Variants in TMEM185B observed in about 807,000 individuals in gnomAD.
TMEM185B encodes ee3_2.
TMEM185B carries 9 observed loss-of-function variants against 26.2 expected under a neutral mutation model. That is an observed-to-expected ratio of 0.34 (90% CI 0.21 to 0.60). The LOEUF (loss-of-function observed/expected upper bound fraction) is 0.60. TMEM185B is among the 20% of genes least tolerant of loss of function. The pLI is 0.80. For missense variants in TMEM185B, 392 were observed against 447.9 expected, an observed-to-expected ratio of 0.88 and a Z score of 1.13; for synonymous variants, 204 against 191.8, an observed-to-expected ratio of 1.06 and a Z score of -0.52.
Position 120,218,732 on chromosome 2 carries a change from C to G in TMEM185B, c.*3192G>C, listed in dbSNP as rs555326326. On this transcript the variant is annotated 3_prime_UTR_variant, in exon 1 of 1. Transcript: ENST00000426077. Reference sequence around the variant, plus strand: ...GGGTCTTTCTCATCTCACCTCAAATCCCCAACAGATCCCTTCTAATGGAAA... The same window carrying G: ...GGGTCTTTCTCATCTCACCTCAAATGCCCAACAGATCCCTTCTAATGGAAA... 6.6e-5 allele frequency among the ~76,000 whole-genome samples: 10 copies of G among 152,370 alleles called. No homozygotes were observed. In the South Asian group the frequency reaches 2.1e-3, roughly 32 times the overall value.
Position 120,222,182 on chromosome 2 carries a change from C to T in TMEM185B, c.795G>A (p.Lys265=), listed in dbSNP as rs1226267756. The T allele has an allele frequency of 1.9e-6, 3 of 1,548,082 alleles. No individual in the cohort carries two copies. Among genetic ancestry groups the T allele is most frequent in the Non-Finnish European group, 2.6e-6 (3 of 1,150,248 alleles). ...TGCCAAACCACCAATGATTGCCCCC[C>T]TTTCGCCTAAATGTTGTGGCCATTA... The part of the protein sequence containing the change: ...LTLMATTFRR[K]GGNHWWFGIR... The change falls in exon 1 of 1, where the codon AAG becomes AAA. Residue 265 remains lysine, a synonymous_variant. Coordinates refer to ENST00000426077, the MANE Select transcript of TMEM185B (RefSeq NM_024121.3).
Position 120,219,096 on chromosome 2 carries a change from G to A in TMEM185B, c.*2828C>T, listed in dbSNP as rs532372826. 1.1e-4 allele frequency among the ~76,000 whole-genome samples: 16 copies of A among 152,366 alleles called. No homozygotes were observed. The highest frequency in any genetic ancestry group is 2.1e-4 in the South Asian group (1 of 4,834). The stretch of plus-strand genomic sequence containing the variant: ...CCCAGAATACGGGACATGTTGTGGA[G>A]CAGACGTGATCAGACCCCCAGCCTG... On this transcript the variant is annotated 3_prime_UTR_variant, in exon 1 of 1. Transcript: ENST00000426077.
Position 120,222,640 on chromosome 2 carries a change from G to T in TMEM185B, c.337C>A (p.Leu113Met), listed in dbSNP as rs1558937247. 6 of 1,536,500 alleles carry T rather than the reference G, an allele frequency of 3.9e-6. No homozygotes were observed. Among genetic ancestry groups the T allele is most frequent in the Non-Finnish European group, 5.2e-6 (6 of 1,147,016 alleles). ...DRVERGTHFW[L>M]LVFMPLFFVS... ...AAGAAGAGAGGCATGAAGACCAGCA[G>T]CCAGAAGTGGGTGCCCCTCTCCACC... The change falls in exon 1 of 1, where the codon CTG becomes ATG. Residue 113 changes from leucine to methionine, a missense_variant. Physicochemically the swap from Leu to Met is conservative, Grantham distance 15. Coordinates refer to ENST00000426077, the MANE Select transcript of TMEM185B (RefSeq NM_024121.3).
chr2:120,222,255 A>G lies in TMEM185B; in HGVS notation c.722T>C (p.Phe241Ser), dbSNP rs1467317775. Reference protein sequence around the residue: ...LVHRLDGHNTFSYVSIFVPLW... With the variant: ...LVHRLDGHNTSSYVSIFVPLW... ...GGGGACAAATATGGAGACGTAGGAG[A>G]ATGTATTGTGGCCATCCAATCTGTG... Residue 241 changes from phenylalanine to serine, a missense_variant, in exon 1 of 1, where the codon TTC becomes TCC. This residue lies in a region of TMEM185B where 176 missense variants were observed against 201.6 expected (regional missense o/e 0.87). Coordinates refer to ENST00000426077, the MANE Select transcript of TMEM185B (RefSeq NM_024121.3). 35 of 1,536,404 alleles carry G rather than the reference A, an allele frequency of 2.3e-5. No individual in the cohort carries two copies. Among genetic ancestry groups the G allele is most frequent in the Non-Finnish European group, 3.0e-5 (34 of 1,146,996 alleles).
Position 120,222,616 on chromosome 2 carries a change from A to G in TMEM185B, c.361T>C (p.Phe121Leu). The change falls in exon 1 of 1, where the codon TTC becomes CTC. Residue 121 changes from phenylalanine (F) to leucine (L), a missense_variant. Phe to Leu is a conservative substitution (Grantham distance 22). This residue lies in a region of TMEM185B where 175 missense variants were observed against 169.1 expected (regional missense o/e 1.03). Transcript: ENST00000426077. ...FWLLVFMPLF[F>L]VSPVSVAACV... ...GCAGCCACGGACACGGGGGACACGA[A>G]GAAGAGAGGCATGAAGACCAGCAGC... The G allele has an allele frequency of 6.5e-7, 1 of 1,536,482 alleles. No individual in the cohort carries two copies. The highest frequency in any genetic ancestry group is 8.7e-7 in the Non-Finnish European group (1 of 1,147,022).
chr2:120,223,088 C>G lies in TMEM185B; in HGVS notation c.-112G>C. On this transcript the variant is annotated 5_prime_UTR_variant, in exon 1 of 1. Coordinates refer to ENST00000426077, the MANE Select transcript of TMEM185B (RefSeq NM_024121.3). ...CCGGGCCCCGCCCAAGCCGGCTCCG[C>G]GTGGACGAATGCCGGGACGACCAGG... The G allele has an allele frequency of 1.3e-6, 1 of 782,836 alleles. No individual in the cohort carries two copies. The highest frequency in any genetic ancestry group is 1.7e-6 in the Non-Finnish European group (1 of 572,004). 48.5% of individuals were successfully genotyped at this position (782,836 alleles called of 1,614,324 possible).
At position 120,221,839 on chromosome 2, in the gene TMEM185B, C is replaced by T; in HGVS notation, c.*85G>A. On this transcript the variant is annotated 3_prime_UTR_variant, in exon 1 of 1. Coordinates refer to ENST00000426077, the MANE Select transcript of TMEM185B (RefSeq NM_024121.3). ...ACGGCGTGAGACGAGTGTTTGAAGC[C>T]TGTTTCCATTTCCAGGTTTGGGATG... The T allele has an allele frequency of 8.9e-7, 1 of 1,124,016 alleles. No homozygotes were observed. Among genetic ancestry groups the T allele is most frequent in the South Asian group, 1.6e-5 (1 of 61,450 alleles). 69.6% of individuals were successfully genotyped at this position (1,124,016 alleles called of 1,614,324 possible).
In TMEM185B at chr2:120,217,815, CAG is replaced by C. The variant is rs1224053072; in HGVS notation, c.*4107_*4108del. ...CGACTTTAACCCATACATTCTAGAACAGAGAGAGCCATGACCAAACCAGAGGG... is the reference window on the plus strand; with the variant it reads ...CGACTTTAACCCATACATTCTAGAACAGAGAGCCATGACCAAACCAGAGGG... On this transcript the variant is annotated 3_prime_UTR_variant, in exon 1 of 1. Transcript: ENST00000426077. Among the ~76,000 whole-genome samples the C allele has an allele frequency of 1.5e-4, 23 of 152,340 alleles. No homozygotes were observed. The highest frequency in any genetic ancestry group is 5.5e-4 in the African/African-American group (23 of 41,578).
In TMEM185B at chr2:120,222,030, G is replaced by A. The variant is rs1220081406; in HGVS notation, c.947C>T (p.Pro316Leu). 1.9e-6 allele frequency: 3 copies of A among 1,543,780 alleles called. No homozygotes were observed. The highest frequency in any genetic ancestry group is 3.9e-5 in the Admixed American group (2 of 50,982). The change falls in exon 1 of 1, where the codon CCG (proline) becomes CTG (leucine). Residue 316 changes from proline (P) to leucine (L), a missense_variant. Coordinates refer to ENST00000426077, the MANE Select transcript of TMEM185B (RefSeq NM_024121.3). Reference sequence around the variant, plus strand: ...CTTTCCAAATATTGGAGCAATTTTCGGAGCTTCTGGAACTGATGTTTCTTC... The same window carrying A: ...CTTTCCAAATATTGGAGCAATTTTCAGAGCTTCTGGAACTGATGTTTCTTC... ...DAEETSVPEAPKIAPIFGKKA... is the reference protein window; with the variant it reads ...DAEETSVPEALKIAPIFGKKA...
rs1414090039 is a variant in TMEM185B, at chr2:120,217,790, C to T, written c.*4134G>A. Among the ~76,000 whole-genome samples the T allele has an allele frequency of 6.6e-6, 1 of 152,158 alleles. No homozygotes were observed. The highest frequency in any genetic ancestry group is 2.4e-5 in the African/African-American group (1 of 41,426). ...ACTGCCGAGGGCATGGTGTGGCAGC[C>T]GACTTTAACCCATACATTCTAGAAC... On this transcript the variant is annotated 3_prime_UTR_variant, in exon 1 of 1. Coordinates refer to ENST00000426077, the MANE Select transcript of TMEM185B (RefSeq NM_024121.3).
chr2:120,218,537 C>T lies in TMEM185B; in HGVS notation c.*3387G>A, dbSNP rs951060173. Among the ~76,000 whole-genome samples the T allele has an allele frequency of 1.3e-5, 2 of 152,256 alleles. No homozygotes were observed. Among genetic ancestry groups the T allele is most frequent in the Non-Finnish European group, 2.9e-5 (2 of 68,038 alleles). ...AGGGCCAGGTGGGGATGGCCTCCCT[C>T]ACCGTCTGCTGCTTCTACCTACATG... On this transcript the variant is annotated 3_prime_UTR_variant, in exon 1 of 1. Transcript: ENST00000426077.
In TMEM185B at chr2:120,217,706, A is replaced by T. The variant is rs1445014278; in HGVS notation, c.*4218T>A. Among the ~76,000 whole-genome samples the T allele has an allele frequency of 6.6e-6, 1 of 152,202 alleles. No homozygotes were observed. Among genetic ancestry groups the T allele is most frequent in the Non-Finnish European group, 1.5e-5 (1 of 68,022 alleles). On this transcript the variant is annotated 3_prime_UTR_variant, in exon 1 of 1. Coordinates refer to ENST00000426077, the MANE Select transcript of TMEM185B (RefSeq NM_024121.3). ...TGCAGTATGGTATCCTGACTGAAGA[A>T]AACCACGTGGGGTTGGGAAAGGAAG...
chr2:120,222,972 T>C lies in TMEM185B; in HGVS notation c.5A>G (p.Asn2Ser). ...GAAGTCCTGGAACAGGCCCCTGGGG[T>C]TCATGGCGGAGGCCGCCGCTTGCCT... Reference protein sequence around the residue: MNPRGLFQDFNP... With the variant: MSPRGLFQDFNP... Residue 2 changes from asparagine to serine, a missense_variant, in exon 1 of 1, where the codon AAC becomes AGC. Asn to Ser is a conservative substitution (Grantham distance 46). Transcript: ENST00000426077. 7.1e-7 allele frequency: 1 copy of C among 1,417,988 alleles called. No individual in the cohort carries two copies. The highest frequency in any genetic ancestry group is 2.6e-5 in the East Asian group (1 of 38,922). The allele number at this position is 1,417,988 out of a possible 1,614,324, so 87.8% of individuals were successfully genotyped here.
rs1688556723 is a variant in TMEM185B, at chr2:120,219,801, G to A, written c.*2123C>T. On this transcript the variant is annotated 3_prime_UTR_variant, in exon 1 of 1. Coordinates refer to ENST00000426077, the MANE Select transcript of TMEM185B (RefSeq NM_024121.3). ...GCTGCACTGGGCTCTTTCCCTTTGT[G>A]GGTGCAGCTCACACTTCTCACCGTA... Among the ~76,000 whole-genome samples, 2 of 152,238 alleles carry A rather than the reference G, an allele frequency of 1.3e-5. No homozygotes were observed. The highest frequency in any genetic ancestry group is 2.9e-5 in the Non-Finnish European group (2 of 68,046).
rs1688577180 is a variant in TMEM185B, at chr2:120,220,979, C to T, written c.*945G>A. 6.6e-6 allele frequency among the ~76,000 whole-genome samples: 1 copy of T among 152,164 alleles called. No individual in the cohort carries two copies. Among genetic ancestry groups the T allele is most frequent in the African/African-American group, 2.4e-5 (1 of 41,438 alleles). The stretch of plus-strand genomic sequence containing the variant: ...TTTAAGATTCTTAGAAATGGACAAA[C>T]CACTTGTTGCTTATTTCCACACAGT... On this transcript the variant is annotated 3_prime_UTR_variant, in exon 1 of 1. Transcript: ENST00000426077.
At position 120,222,386 on chromosome 2, in the gene TMEM185B, C is replaced by G. The variant is rs1473707049; in HGVS notation, c.591G>C (p.Leu197=). The G allele has an allele frequency of 6.5e-7, 1 of 1,536,178 alleles. No homozygotes were observed. The highest frequency in any genetic ancestry group is 2.4e-5 in the East Asian group (1 of 40,920). The change falls in exon 1 of 1, where the codon CTG becomes CTC. Residue 197 remains leucine (L), a synonymous_variant. Transcript: ENST00000426077. ...LYYIVWSLLF[L]RSLDVVAEQR... is the part of the protein sequence containing the mutation. Reference sequence around the variant, plus strand: ...GCTCGGCAACCACATCCAGGGACCGCAGGAACAGGAGGGACCAGACGATGT... The same window carrying G: ...GCTCGGCAACCACATCCAGGGACCGGAGGAACAGGAGGGACCAGACGATGT...
chr2:120,221,965 C>T lies in TMEM185B; in HGVS notation c.1012G>A (p.Val338Ile), dbSNP rs572415830. Reference sequence around the variant, plus strand: ...ATATTTAACTTGGGAGGGGGGGGAACGTATTTCCCAGGGCTCTGGGTTATA... The same window carrying T: ...ATATTTAACTTGGGAGGGGGGGGAATGTATTTCCCAGGGCTCTGGGTTATA... ...VVITQSPGKYVPPPPKLNIDM... is the reference protein window; with the variant it reads ...VVITQSPGKYIPPPPKLNIDM... Residue 338 changes from valine to isoleucine, a missense_variant, in exon 1 of 1, where the codon GTT becomes ATT. Val to Ile is a conservative substitution (Grantham distance 29, BLOSUM62 3). Around this residue, in one of 3 missense-constraint regions of TMEM185B, gnomAD observed 176 missense variants for 201.6 expected, o/e 0.87. Transcript: ENST00000426077. 7 of 1,534,654 alleles carry T rather than the reference C, an allele frequency of 4.6e-6. No individual in the cohort carries two copies. The highest frequency in any genetic ancestry group is 1.2e-5 in the South Asian group (1 of 83,592).
chr2:120,223,332 G>C lies in TMEM185B; in HGVS notation c.-356C>G, dbSNP rs1029398411. Reference sequence around the variant, plus strand: ...GCCCGAAGGGGCCTGGCGCGCTGCTGACTCCCCAAGCGGCCCGCGACCTTG... The same window carrying C: ...GCCCGAAGGGGCCTGGCGCGCTGCTCACTCCCCAAGCGGCCCGCGACCTTG... On this transcript the variant is annotated 5_prime_UTR_variant, in exon 1 of 1. Transcript: ENST00000426077. 1 of 173,432 alleles carries C rather than the reference G, an allele frequency of 5.8e-6. No homozygotes were observed. Among genetic ancestry groups the C allele is most frequent in the Non-Finnish European group, 1.2e-5 (1 of 82,640 alleles). The allele number at this position is 173,432 out of a possible 1,614,324, so 10.7% of individuals were successfully genotyped here. A position where few individuals can be genotyped will look rare whatever the true frequency, so the allele number is the denominator to read the frequency against.
Position 120,223,152 on chromosome 2 carries a change from G to A in TMEM185B, c.-176C>T, listed in dbSNP as rs1688622837. 2 of 429,122 alleles carry A rather than the reference G, an allele frequency of 4.7e-6. No homozygotes were observed. The highest frequency in any genetic ancestry group is 2.1e-5 in the African/African-American group (1 of 48,578). The allele number at this position is 429,122 out of a possible 1,614,324, so 26.6% of individuals were successfully genotyped here. ...CGGCGAAGCGGAGAGGCCGGAACAC[G>A]TGCACGCGCGGTCACGTGGCCCGGC... On this transcript the variant is annotated 5_prime_UTR_variant, in exon 1 of 1. In the 5' UTR this introduces an upstream ATG that the reference lacks. Coordinates refer to ENST00000426077, the MANE Select transcript of TMEM185B (RefSeq NM_024121.3).
Sources: gnomAD v4.1 joint callset for allele counts (sites outside exome capture counted in the v4.1 genomes callset) on GRCh38, gnomAD v4.1.1 for gene constraint, gnomAD v4.1.1 regional missense constraint, MANE v1.5 for transcripts, NCBI Gene and HGNC (gene_info 2026-07-23, HGNC 2026-07-21) for gene names.